TENM3: variants seen among roughly 807,000 people sequenced by gnomAD.
TENM3 encodes teneurin-3.
TENM3 carries 63 observed loss-of-function variants against 255.1 expected under a neutral mutation model. The ratio of observed to expected loss-of-function variants is 0.25; its 90% CI spans 0.20 to 0.30. The LOEUF is 0.30. Ranked by LOEUF, TENM3 falls within the 10% of genes least tolerant of loss-of-function variation. TENM3 has a pLI of 1.00. For missense variants in TENM3, 2,929 were observed against 3,461.1 expected, an observed-to-expected ratio of 0.85 and a Z score of 3.86; for synonymous variants, 1,306 against 1,322.3, an observed-to-expected ratio of 0.99 and a Z score of 0.27.
intron 1 of TENM3, among the ~76,000 whole-genome samples, chr4:182,301,538 A>C (rs564793827): frequency 1.3e-5 from 2 of 152,218 alleles, no homozygotes; most frequent in East Asian, 3.9e-4. Context: ...ATTATTTTAA[A>C]CTCATGAATA....
chr4:181,553,472 G>C, the TENM3 span, among the ~76,000 whole-genome samples: 38,137 of 151,632 alleles, frequency 0.25, 5,188 homozygotes, highest in Middle Eastern at 0.39. Context: ...GGCGGAGTCT[G>C]GCTCTGTCGC....
chr4:182,166,404 C>T (rs186817911), intron 1 of TENM3, among the ~76,000 whole-genome samples: 241 of 152,220 alleles, frequency 1.6e-3, no homozygotes, highest in Middle Eastern at 0.01. Flanking sequence ...TGAAGCTTGG[C>T]ACCTCAGTCA....
chr4:182,790,150 A>G (rs1276545922), intron 25 of TENM3, among the ~76,000 whole-genome samples: 2 of 152,128 alleles, frequency 1.3e-5, no homozygotes, highest in African/African-American at 4.8e-5. Flanking sequence ...AAGCATATTC[A>G]TGGAATGTTT....
At chr4:182,235,343 G>A (rs72696068) in intron 1 of TENM3, among the ~76,000 whole-genome samples, 3,976 of 152,252 alleles carry the variant, frequency 0.026, 58 homozygotes, top group Admixed American at 0.037. Context: ...GTGGTTAGGC[G>A]TGGTCTTTCT....
chr4:181,495,075 T>A, the TENM3 span, among the ~76,000 whole-genome samples: 1 of 152,214 alleles, frequency 6.6e-6, no homozygotes, highest in African/African-American at 2.4e-5. Flanking sequence ...GAATTAAAGA[T>A]AATCAGTAAG....
At chr4:182,798,787 T>C (rs753874798) in intron 27 of TENM3, among the ~76,000 whole-genome samples, 6 of 152,200 alleles carry the variant, frequency 3.9e-5, no homozygotes, top group Non-Finnish European at 8.8e-5. Context: ...TAGGAAATCG[T>C]GGGCAAAGAC....
intron 5 of TENM3, among the ~76,000 whole-genome samples, chr4:182,640,717 C>T (rs1391273447): frequency 6.6e-6 from 1 of 152,140 alleles, no homozygotes; most frequent in Non-Finnish European, 1.5e-5. Context: ...GGGCAAGTCT[C>T]CCAGGGATCA....
the TENM3 span, among the ~76,000 whole-genome samples, chr4:181,888,982 T>C: frequency 6.6e-6 from 1 of 152,016 alleles, no homozygotes; most frequent in African/African-American, 2.4e-5. Flanking sequence ...AATGTTGATC[T>C]CTTCCAGAAA....
At chr4:182,544,315 C>T (rs1306174423) in intron 3 of TENM3, among the ~76,000 whole-genome samples, 1 of 141,810 alleles carries the variant, frequency 7.1e-6, no homozygotes, top group Non-Finnish European at 1.5e-5. Context: ...TCCAGCACAG[C>T]ATTGTGGATT....
At chr4:182,270,470 G>A (rs558855082) in intron 1 of TENM3, among the ~76,000 whole-genome samples, 4 of 152,180 alleles carry the variant, frequency 2.6e-5, no homozygotes, top group African/African-American at 4.8e-5. Context: ...CTATTTTAAC[G>A]TTAGTGCTGG....
chr4:181,873,661 C>A, the TENM3 span, among the ~76,000 whole-genome samples: 1 of 151,830 alleles, frequency 6.6e-6, no homozygotes, highest in Non-Finnish European at 1.5e-5. Flanking sequence ...ATTTTATAGC[C>A]CAGCATCAGC....
chr4:182,761,576 A>T (rs941707695), intron 22 of TENM3, among the ~76,000 whole-genome samples: 1 of 151,672 alleles, frequency 6.6e-6, no homozygotes, highest in African/African-American at 2.4e-5. Context: ...AAAACTGAGC[A>T]GCCCACTTTA....
chr4:182,690,539 G>A (rs975379173), intron 12 of TENM3, among the ~76,000 whole-genome samples: 1 of 152,166 alleles, frequency 6.6e-6, no homozygotes, highest in Non-Finnish European at 1.5e-5. Flanking sequence ...CGATACATCA[G>A]AAGAAATGAG....
the TENM3 span, among the ~76,000 whole-genome samples, chr4:181,578,910 A>C: frequency 1.3e-5 from 2 of 152,164 alleles, no homozygotes; most frequent in Non-Finnish European, 2.9e-5. Flanking sequence ...ATTTCAATAC[A>C]AACATTTTTG....
chr4:182,248,762 A>C (rs1757809376), intron 1 of TENM3, among the ~76,000 whole-genome samples: 1 of 152,224 alleles, frequency 6.6e-6, no homozygotes, highest in Admixed American at 6.5e-5. Flanking sequence ...GGGATACCAC[A>C]GTAAACCTGA....
chr4:181,772,744 C>G, the TENM3 span, among the ~76,000 whole-genome samples: 1 of 152,198 alleles, frequency 6.6e-6, no homozygotes, highest in African/African-American at 2.4e-5. Flanking sequence ...ATCACGTCAT[C>G]ATCAGCTGGT....
chr4:182,310,831 C>T (rs1370167836), intron 1 of TENM3, among the ~76,000 whole-genome samples: 4 of 152,254 alleles, frequency 2.6e-5, no homozygotes, highest in African/African-American at 7.2e-5. Flanking sequence ...CTCAGCCTCC[C>T]GAGTAGCTGG....
At chr4:182,181,816 C>T (rs1014293167) in intron 1 of TENM3, among the ~76,000 whole-genome samples, 2 of 151,556 alleles carry the variant, frequency 1.3e-5, no homozygotes, top group Non-Finnish European at 2.9e-5. Flanking sequence ...TTATAGTATA[C>T]TGCATAATCA....
the TENM3 span, among the ~76,000 whole-genome samples, chr4:181,780,114 T>C: frequency 6.6e-6 from 1 of 152,204 alleles, no homozygotes; most frequent in Non-Finnish European, 1.5e-5. Flanking sequence ...CATGTGTCTT[T>C]ATAGCAGCAT....
Sources: gnomAD v4.1 joint callset for allele counts (sites outside exome capture counted in the v4.1 genomes callset) on GRCh38, gnomAD v4.1.1 for gene constraint, MANE v1.5 for transcripts, NCBI Gene and HGNC (gene_info 2026-07-23, HGNC 2026-07-21) for gene names.